Variants in LYPLAL1 observed in about 807,000 individuals in gnomAD.
LYPLAL1 encodes the protein lysophospholipase-like protein 1.
LYPLAL1 carries 23 observed loss-of-function variants against 19.7 expected under a neutral mutation model. The ratio of observed to expected loss-of-function variants is 1.17; its 90% CI spans 0.84 to 1.65. LYPLAL1 has a LOEUF of 1.65. Among genes scored for constraint, LYPLAL1 ranks in the 40% most tolerant of loss-of-function variants. The pLI is 0.00. For missense variants in LYPLAL1, 355 were observed against 279.4 expected (o/e 1.27, Z -1.93); for synonymous variants, 119 against 96.3 (o/e 1.24, Z -1.38).
chr1:219,430,575 C>T, the LYPLAL1 span, among the ~76,000 whole-genome samples: 77 of 152,270 alleles, frequency 5.1e-4, no homozygotes, highest in South Asian at 1.9e-3. Flanking sequence ...ATAGGTAGTG[C>T]GAACACAAAT....
the LYPLAL1 span, among the ~76,000 whole-genome samples, chr1:219,243,630 T>A: frequency 1.3e-5 from 2 of 151,822 alleles, no homozygotes; most frequent in African/African-American, 4.8e-5. Context: ...AAAAAAAATT[T>A]AAAAAAGGTC....
the LYPLAL1 span, among the ~76,000 whole-genome samples, chr1:219,244,688 G>A: frequency 5.9e-5 from 9 of 152,120 alleles, no homozygotes; most frequent in African/African-American, 1.7e-4. Flanking sequence ...GCTTACATCC[G>A]TAATCCCAGC....
the LYPLAL1 span, among the ~76,000 whole-genome samples, chr1:219,219,319 G>T: frequency 7.2e-5 from 11 of 152,122 alleles, no homozygotes; most frequent in Admixed American, 7.2e-4. Context: ...CCTCATTTTG[G>T]AGAGATCCCT....
chr1:219,334,145 G>C, the LYPLAL1 span, among the ~76,000 whole-genome samples: 6 of 151,906 alleles, frequency 3.9e-5, no homozygotes, highest in African/African-American at 1.4e-4. Context: ...TCATGGTTTT[G>C]AAAACATTAC....
chr1:219,284,586 T>A, the LYPLAL1 span, among the ~76,000 whole-genome samples: 1 of 152,080 alleles, frequency 6.6e-6, no homozygotes, highest in Non-Finnish European at 1.5e-5. Flanking sequence ...AAAGAAAGAA[T>A]AAGAAGTAGC....
At chr1:219,350,090 T>C in the LYPLAL1 span, among the ~76,000 whole-genome samples, 3 of 152,340 alleles carry the variant, frequency 2.0e-5, no homozygotes, top group African/African-American at 7.2e-5. Context: ...CTGTAAACTC[T>C]AATGTACCTT....
the LYPLAL1 span, among the ~76,000 whole-genome samples, chr1:219,286,681 A>G: frequency 1.3e-5 from 2 of 152,224 alleles, no homozygotes; most frequent in East Asian, 1.9e-4. Context: ...CATGACACTC[A>G]TCTCCTCAAG....
chr1:219,367,704 T>C, the LYPLAL1 span, among the ~76,000 whole-genome samples: 2 of 152,228 alleles, frequency 1.3e-5, no homozygotes, highest in African/African-American at 2.4e-5. Flanking sequence ...CCGTGTTGAC[T>C]CTGAGAGCCT....
the LYPLAL1 span, among the ~76,000 whole-genome samples, chr1:219,323,413 T>C: frequency 6.6e-6 from 1 of 152,130 alleles, no homozygotes; most frequent in South Asian, 2.1e-4. Context: ...TGAAAGAGGT[T>C]AGGGAGGAAG....
the LYPLAL1 span, among the ~76,000 whole-genome samples, chr1:219,383,399 A>G: frequency 2.0e-5 from 3 of 152,186 alleles, no homozygotes; most frequent in Non-Finnish European, 4.4e-5. Flanking sequence ...TATTTATGAC[A>G]CTTTAACTAA....
intron 3 of LYPLAL1, among the ~76,000 whole-genome samples, chr1:219,202,854 T>G (rs1327637931): frequency 6.7e-6 from 1 of 149,940 alleles, no homozygotes; most frequent in African/African-American, 2.5e-5. Context: ...TTTTTTTTTG[T>G]TTGCTTGTTT....
the LYPLAL1 span, among the ~76,000 whole-genome samples, chr1:219,440,118 A>T: frequency 1.0e-3 from 150 of 150,608 alleles, no homozygotes; most frequent in African/African-American, 3.5e-3. Context: ...TTCAGTAATC[A>T]TATTATTGAT....
At chr1:219,399,845 A>G in the LYPLAL1 span, among the ~76,000 whole-genome samples, 1 of 152,144 alleles carries the variant, frequency 6.6e-6, no homozygotes, top group Non-Finnish European at 1.5e-5. Context: ...AAAGTCTCCT[A>G]TTGGAGCAAG....
the LYPLAL1 span, among the ~76,000 whole-genome samples, chr1:219,420,629 T>G: frequency 0.012 from 1,816 of 152,312 alleles, 31 homozygotes; most frequent in African/African-American, 0.042. Context: ...TGACTTGTTT[T>G]ATAATTTGGT....
At chr1:219,360,484 C>T in the LYPLAL1 span, among the ~76,000 whole-genome samples, 1 of 152,078 alleles carries the variant, frequency 6.6e-6, no homozygotes, top group African/African-American at 2.4e-5. Context: ...GCGTAAGTTC[C>T]TATGAGAGAA....
intron 2 of LYPLAL1, among the ~76,000 whole-genome samples, chr1:219,187,505 AGTTT>A (rs2125049927): frequency 6.6e-6 from 1 of 151,606 alleles, no homozygotes; most frequent in African/African-American, 2.4e-5. Flanking sequence ...AGATTTTCTT[AGTTT>A]GTGTTTATTA....
chr1:219,298,218 G>A, the LYPLAL1 span, among the ~76,000 whole-genome samples: 65 of 152,242 alleles, frequency 4.3e-4, no homozygotes, highest in African/African-American at 1.5e-3. Flanking sequence ...GCTGAGGTGG[G>A]AGAATCACCT....
the LYPLAL1 span, among the ~76,000 whole-genome samples, chr1:219,375,503 A>AAG: frequency 6.6e-6 from 1 of 150,790 alleles, no homozygotes; most frequent in East Asian, 1.9e-4. Flanking sequence ...AAAAAAAAAA[A>AAG]AAAAAAAAAA....
chr1:219,443,837 G>A, the LYPLAL1 span, among the ~76,000 whole-genome samples: 1 of 152,182 alleles, frequency 6.6e-6, no homozygotes, highest in African/African-American at 2.4e-5. Context: ...AAGTTCAGAA[G>A]CTCAAGGGGC....
Sources: gnomAD v4.1 joint callset for allele counts (sites outside exome capture counted in the v4.1 genomes callset) on GRCh38, gnomAD v4.1.1 for gene constraint, MANE v1.5 for transcripts, NCBI Gene and HGNC (gene_info 2026-07-23, HGNC 2026-07-21) for gene names.